The following C2CD3 variants were observed in gnomAD, a reference collection of about 807,000 sequenced individuals.
The protein encoded by C2CD3 is C2 domain-containing protein 3.
Under a neutral mutation model 234.0 loss-of-function variants are expected in C2CD3, and 148 were observed. The observed-to-expected ratio is 0.63, with a 90% CI of 0.55 to 0.72. The LOEUF (loss-of-function observed/expected upper bound fraction) is 0.72. Among genes scored for constraint, C2CD3 ranks in the 30% least tolerant of loss-of-function variants. The pLI, the probability that C2CD3 is intolerant of heterozygous loss-of-function variation, is 0.00. For synonymous variants in C2CD3, 1,000 were observed against 1,035.4 expected (o/e 0.97, Z 0.66); for missense variants, 2,577 against 2,811.5 (o/e 0.92, Z 1.89).
intron 32 of C2CD3, among the ~76,000 whole-genome samples, chr11:74,027,893 G>A (rs1952368380): frequency 6.6e-6 from 1 of 152,132 alleles, no homozygotes; most frequent in African/African-American, 2.4e-5. Context: ...GCAAATAGTT[G>A]TACGACTGAT....
At chr11:74,126,796 T>G (rs1253635363) in intron 7 of C2CD3, among the ~76,000 whole-genome samples, 1 of 152,036 alleles carries the variant, frequency 6.6e-6, no homozygotes, top group Admixed American at 6.6e-5. Context: ...TTCAATAGTT[T>G]TTAGTATGTT....
chr11:74,064,591 CAA>C (rs1954416527), intron 24 of C2CD3, among the ~76,000 whole-genome samples: 2 of 152,110 alleles, frequency 1.3e-5, no homozygotes, highest in East Asian at 3.8e-4. Context: ...CATATGCAAT[CAA>C]AAAAGAGCCC....
At chr11:74,030,503 G>A (rs1386249667) in intron 31 of C2CD3, among the ~76,000 whole-genome samples, 1 of 152,120 alleles carries the variant, frequency 6.6e-6, no homozygotes, top group Non-Finnish European at 1.5e-5. Flanking sequence ...TGCTGACCAC[G>A]ACGTCCTGAA....
chr11:74,088,269 G>C (rs531914074), intron 20 of C2CD3, among the ~76,000 whole-genome samples: 56 of 152,256 alleles, frequency 3.7e-4, no homozygotes, highest in African/African-American at 1.3e-3. Flanking sequence ...ATCAGGGTAG[G>C]TATTTAAAAT....
intron 10 of C2CD3, 140 bp downstream of exon 10, chr11:74,114,244 G>A: frequency 1.5e-6 from 1 of 667,480 alleles, no homozygotes; most frequent in South Asian, 1.8e-5. Flanking sequence ...GGATATAGCA[G>A]GGATTCAATA....
At chr11:74,127,518 C>G (rs1957451185) in intron 7 of C2CD3, among the ~76,000 whole-genome samples, 1 of 150,296 alleles carries the variant, frequency 6.7e-6, no homozygotes, top group East Asian at 1.9e-4. Flanking sequence ...TTGAATAATG[C>G]TGGTATGAAC....
At chr11:74,045,493 C>T (rs1049091826) in intron 28 of C2CD3, among the ~76,000 whole-genome samples, 11 of 152,148 alleles carry the variant, frequency 7.2e-5, no homozygotes, top group Admixed American at 3.9e-4. Flanking sequence ...ATATTGCCAT[C>T]GTAAAAATAT....
At chr11:74,079,945 C>A (rs1955264419) in intron 22 of C2CD3, among the ~76,000 whole-genome samples, 1 of 152,154 alleles carries the variant, frequency 6.6e-6, no homozygotes, top group Admixed American at 6.5e-5. Context: ...ATGGTCTCTA[C>A]TGCAGCTACT....
At position 74,090,315 on chromosome 11, in the gene C2CD3, G is replaced by A. The variant is rs117588068; in HGVS notation, c.3641+498C>T. Among the ~76,000 whole-genome samples the A allele has an allele frequency of 7.1e-3, 1,074 of 152,246 alleles. 31 individuals carry two copies. The highest frequency in any genetic ancestry group is 0.049 in the East Asian group (256 of 5,176). ...AGGCTGAGGCGGGTGGATCACTTGA[G>A]GTCAGGAGTTCGAGATCAGCCTGAC... On this transcript the variant is annotated intron_variant, in intron 20 of 32. Transcript: ENST00000334126.
intron 3 of C2CD3, among the ~76,000 whole-genome samples, chr11:74,144,025 G>A (rs1854989711): frequency 6.6e-6 from 1 of 152,140 alleles, no homozygotes. Flanking sequence ...GTTGTTCACA[G>A]TATTTCCTTA....
chr11:74,018,986 C>T (rs1289197775), intron 32 of C2CD3, among the ~76,000 whole-genome samples: 1 of 152,188 alleles, frequency 6.6e-6, no homozygotes, highest in Non-Finnish European at 1.5e-5. Flanking sequence ...GGGCCTACGT[C>T]ACTCCCTCAC....
Position 74,034,107 on chromosome 11 carries a change from G to GA in C2CD3, c.6052dup (p.Ser2018PhefsTer19), listed in dbSNP as rs1952625910. On this transcript the variant is annotated frameshift_variant, in exon 31 of 33. Transcript: ENST00000334126. LOFTEE classifies it high-confidence loss of function. ...CTCTTCGAGAGGAGGGGGTGATGGG[G>GA]AATCTGTGCCTTTATCTGGAGCTCT... 1 of 1,536,076 alleles carries GA rather than the reference G, an allele frequency of 6.5e-7. No individual in the cohort carries two copies. The highest frequency in any genetic ancestry group is 1.4e-5 in the African/African-American group (1 of 73,028).
chr11:74,167,748 G>A (rs1434383817), intron 2 of C2CD3, among the ~76,000 whole-genome samples: 1 of 152,210 alleles, frequency 6.6e-6, no homozygotes, highest in Non-Finnish European at 1.5e-5. Context: ...AGTACACTCA[G>A]AATACTTTTC....
chr11:74,025,881 A>T (rs1952273118), intron 32 of C2CD3, among the ~76,000 whole-genome samples: 1 of 152,094 alleles, frequency 6.6e-6, no homozygotes, highest in Non-Finnish European at 1.5e-5. Flanking sequence ...CAGATTCAGT[A>T]TTTCACTCCA....
Position 74,078,658 on chromosome 11 carries a change from C to T in C2CD3, c.4060G>A (p.Glu1354Lys). ...CCACCCACGATCTTCTGCATGAGCTCCAGGCCATGAGGTAGGCCCCCGTCT... is the reference window on the plus strand; with the variant it reads ...CCACCCACGATCTTCTGCATGAGCTTCAGGCCATGAGGTAGGCCCCCGTCT... ...PEDGGLPHGL[E>K]LMQKIVGGLE... The change falls in exon 23 of 33, where the codon GAG becomes AAG. Residue 1354 changes from glutamate (E) to lysine (K), a missense_variant. Glu to Lys is a moderately conservative substitution (Grantham distance 56). Transcript: ENST00000334126. 3 of 1,614,048 alleles carry T rather than the reference C, an allele frequency of 1.9e-6. No individual in the cohort carries two copies. Among genetic ancestry groups the T allele is most frequent in the African/African-American group, 1.3e-5 (1 of 75,028 alleles).
chr11:74,084,096 T>C (rs826059), intron 22 of C2CD3, among the ~76,000 whole-genome samples: 12,587 of 152,146 alleles, frequency 0.083, 1,401 homozygotes, highest in African/African-American at 0.25. Context: ...ATATACACCA[T>C]GGAATACTAT....
Position 74,051,722 on chromosome 11 carries a change from C to T in C2CD3, c.5156-2180G>A, listed in dbSNP as rs370812536. On this transcript the variant is annotated intron_variant, in intron 26 of 32. Coordinates refer to ENST00000334126, the MANE Select transcript of C2CD3 (RefSeq NM_001286577.2). ...TCTGACATCCTAAGTCTGGGTTAGA[C>T]GTCTCCTATCAGAGTACCCTGTATT... Among the ~76,000 whole-genome samples the T allele has an allele frequency of 1.8e-4, 27 of 152,292 alleles. 1 individual carries two copies. In the East Asian group the frequency reaches 1.9e-3, roughly 11 times the overall value.
At chr11:74,116,740 C>T (rs1956938974) in intron 9 of C2CD3, among the ~76,000 whole-genome samples, 1 of 149,922 alleles carries the variant, frequency 6.7e-6, no homozygotes, top group Non-Finnish European at 1.5e-5. Context: ...GCCCATCAAT[C>T]AATGAATGGA....
chr11:74,055,957 A>G (rs1437272212), intron 25 of C2CD3, among the ~76,000 whole-genome samples: 2 of 152,104 alleles, frequency 1.3e-5, no homozygotes, highest in African/African-American at 4.8e-5. Flanking sequence ...TGAACAAGTC[A>G]CCTCCACTTA....
Sources: gnomAD v4.1 joint callset for allele counts (sites outside exome capture counted in the v4.1 genomes callset) on GRCh38, gnomAD v4.1.1 for gene constraint, MANE v1.5 for transcripts, NCBI Gene and HGNC (gene_info 2026-07-23, HGNC 2026-07-21) for gene names.